The following ITSN1 variants were observed in gnomAD, a reference collection of about 807,000 sequenced individuals.
ITSN1 encodes the protein intersectin-1.
A neutral mutation model predicts 239.8 loss-of-function variants in ITSN1; 58 were observed. The ratio of observed to expected loss-of-function variants is 0.24; its 90% CI spans 0.20 to 0.30. The LOEUF is 0.30. Ranked by LOEUF, ITSN1 falls within the 10% of genes least tolerant of loss-of-function variation. The pLI, the probability that ITSN1 is intolerant of heterozygous loss-of-function variation, is 1.00. For missense variants in ITSN1, 1,558 were observed against 2,103.3 expected, an observed-to-expected ratio of 0.74 and a Z score of 5.07; for synonymous variants, 780 against 770.8, an observed-to-expected ratio of 1.01 and a Z score of -0.20.
At chr21:33,711,243 G>C (rs1288619444) in intron 1 of ITSN1, among the ~76,000 whole-genome samples, 1 of 151,670 alleles carries the variant, frequency 6.6e-6, no homozygotes. Flanking sequence ...TTAAATGTTT[G>C]TAGGATTGAT....
chr21:33,868,270 A>G (rs1437495879), intron 33 of ITSN1, among the ~76,000 whole-genome samples: 1 of 152,208 alleles, frequency 6.6e-6, no homozygotes, highest in Non-Finnish European at 1.5e-5. Context: ...TGGATCCCAC[A>G]CCGGGGCTGC....
chr21:33,775,230 C>A, intron 14 of ITSN1, 122 bp downstream of exon 14: 2 of 1,013,694 alleles, frequency 2.0e-6, no homozygotes, highest in Non-Finnish European at 2.8e-6. Flanking sequence ...CACTGGGAAG[C>A]AAAAATGAAG....
At chr21:33,757,594 A>G (rs900056563) in intron 8 of ITSN1, among the ~76,000 whole-genome samples, 1 of 152,122 alleles carries the variant, frequency 6.6e-6, no homozygotes, top group Non-Finnish European at 1.5e-5. Context: ...AGTATGTTTT[A>G]TACTAAATTA....
intron 1 of ITSN1, among the ~76,000 whole-genome samples, chr21:33,707,331 G>A (rs1040841693): frequency 6.6e-6 from 1 of 151,734 alleles, no homozygotes; most frequent in Non-Finnish European, 1.5e-5. Context: ...TCACTATGTT[G>A]CCCAGGCTAG....
In ITSN1 at chr21:33,827,226, C is replaced by T. The variant is rs139716660; in HGVS notation, c.3229+363C>T. 5.2e-3 allele frequency among the ~76,000 whole-genome samples: 786 copies of T among 152,050 alleles called. 7 individuals are homozygous for T. The highest frequency in any genetic ancestry group is 0.018 in the African/African-American group (749 of 41,460). On this transcript the variant is annotated intron_variant, in intron 26 of 39. Coordinates refer to ENST00000381318, the MANE Select transcript of ITSN1 (RefSeq NM_003024.3). ...ACCAGCCTGGCCAACAGGGGAATCC[C>T]GGTCTGTACCAAAAAATAGAAAAAT...
At chr21:33,804,868 C>CA (rs957596325) in intron 20 of ITSN1, among the ~76,000 whole-genome samples, 2 of 151,744 alleles carry the variant, frequency 1.3e-5, no homozygotes, top group Admixed American at 6.6e-5. Flanking sequence ...AAAAAGCTTG[C>CA]AAAAAAAACT....
intron 14 of ITSN1, among the ~76,000 whole-genome samples, chr21:33,778,500 A>T (rs1223681377): frequency 1.3e-5 from 2 of 148,456 alleles, no homozygotes; most frequent in East Asian, 2.0e-4. Flanking sequence ...TGTTTTGATT[A>T]TCTGTCAATG....
At chr21:33,789,273 T>C (rs1312909287) in intron 16 of ITSN1, among the ~76,000 whole-genome samples, 1 of 152,196 alleles carries the variant, frequency 6.6e-6, no homozygotes, top group Non-Finnish European at 1.5e-5. Context: ...TTGGACTTTT[T>C]ATGGATGTGA....
At chr21:33,683,560 A>G (rs913978278) in intron 1 of ITSN1, among the ~76,000 whole-genome samples, 1 of 151,998 alleles carries the variant, frequency 6.6e-6, no homozygotes, top group African/African-American at 2.4e-5. Flanking sequence ...AGTGCTGGAA[A>G]TCCACCCTGC....
chr21:33,767,936 T>G (rs933671636), intron 11 of ITSN1, 108 bp downstream of exon 11: 6 of 616,410 alleles, frequency 9.7e-6, no homozygotes, highest in African/African-American at 3.8e-5. Context: ...TTTTGACATT[T>G]TTGCCTTGTA....
chr21:33,814,054 G>C lies in ITSN1; in HGVS notation c.2709G>C (p.Pro903=), dbSNP rs553144756. 1 of 1,614,040 alleles carries C rather than the reference G, an allele frequency of 6.2e-7. No individual in the cohort carries two copies. The highest frequency in any genetic ancestry group is 8.5e-7 in the Non-Finnish European group (1 of 1,180,002). The change falls in exon 22 of 40, where the codon CCG becomes CCC. Residue 903 remains proline (P), a synonymous_variant. Coordinates refer to ENST00000381318, the MANE Select transcript of ITSN1 (RefSeq NM_003024.3). ...FTPATATGSS[P]SPVLGQGEKV... Reference sequence around the variant, plus strand: ...CAGCCACGGCCACTGGCTCCTCCCCGTCTCCTGTGCTAGGCCAGGTAAAGG... The same window carrying C: ...CAGCCACGGCCACTGGCTCCTCCCCCTCTCCTGTGCTAGGCCAGGTAAAGG...
At chr21:33,805,732 C>T (rs959344490) in intron 20 of ITSN1, among the ~76,000 whole-genome samples, 4 of 151,564 alleles carry the variant, frequency 2.6e-5, no homozygotes, top group African/African-American at 7.3e-5. Flanking sequence ...AGTGCAGTGG[C>T]GCGATCTCGG....
intron 4 of ITSN1, among the ~76,000 whole-genome samples, chr21:33,729,969 C>G (rs776410420): frequency 2.0e-5 from 3 of 152,004 alleles, no homozygotes; most frequent in Non-Finnish European, 2.9e-5. Flanking sequence ...CTTTGTAGTT[C>G]CTTTTGTTTT....
At chr21:33,758,107 T>C (rs2068048699) in intron 8 of ITSN1, among the ~76,000 whole-genome samples, 1 of 152,100 alleles carries the variant, frequency 6.6e-6, no homozygotes. Flanking sequence ...GGTTTTGAAC[T>C]CCTGACCTCA....
chr21:33,703,581 C>G (rs1482172142), intron 1 of ITSN1, among the ~76,000 whole-genome samples: 1 of 152,122 alleles, frequency 6.6e-6, no homozygotes, highest in African/African-American at 2.4e-5. Flanking sequence ...TAATAACTTG[C>G]TGAAAGCATG....
chr21:33,652,531 C>G (rs1264727996), intron 1 of ITSN1, among the ~76,000 whole-genome samples: 1 of 152,022 alleles, frequency 6.6e-6, no homozygotes, highest in African/African-American at 2.4e-5. Context: ...GATTCTTTGT[C>G]TTTTTGCTTT....
chr21:33,710,022 C>CTAT (rs2092366338), intron 1 of ITSN1, among the ~76,000 whole-genome samples: 1 of 150,916 alleles, frequency 6.6e-6, no homozygotes, highest in South Asian at 2.1e-4. Flanking sequence ...CATGGATCCC[C>CTAT]TATATCTGTT....
At chr21:33,805,356 A>G (rs2072332017) in intron 20 of ITSN1, among the ~76,000 whole-genome samples, 1 of 152,208 alleles carries the variant, frequency 6.6e-6, no homozygotes. Flanking sequence ...CTCCTGACAG[A>G]CATTTTTTTA....
At chr21:33,662,806 T>C (rs2089661261) in intron 1 of ITSN1, among the ~76,000 whole-genome samples, 1 of 152,210 alleles carries the variant, frequency 6.6e-6, no homozygotes, top group Non-Finnish European at 1.5e-5. Context: ...TGAGTACCCT[T>C]CATGTTTCAG....
Sources: allele counts gnomAD v4.1 joint callset (sites outside exome capture counted in the v4.1 genomes callset), GRCh38; gene constraint gnomAD v4.1.1; transcripts MANE v1.5; gene names NCBI Gene and HGNC (gene_info 2026-07-23, HGNC 2026-07-21).